R3HDM1: variants seen among roughly 807,000 people sequenced by gnomAD.
The protein encoded by R3HDM1 is R3H domain containing 1.
A neutral mutation model predicts 141.1 loss-of-function variants in R3HDM1; 46 were observed. That is an observed-to-expected ratio of 0.33 (90% CI 0.26 to 0.42). The LOEUF (loss-of-function observed/expected upper bound fraction) is 0.42, where lower values mean the gene tolerates loss of function less well. Ranked by LOEUF, R3HDM1 falls within the 10% of genes least tolerant of loss-of-function variation. R3HDM1 has a pLI of 1.00. For synonymous variants in R3HDM1, 435 were observed against 472.9 expected (o/e 0.92, Z 1.04); for missense variants, 1,184 against 1,368.3 (o/e 0.87, Z 2.12).
At chr2:135,569,489 A>C (rs1354825752) in intron 1 of R3HDM1, among the ~76,000 whole-genome samples, 2 of 152,134 alleles carry the variant, frequency 1.3e-5, no homozygotes, top group African/African-American at 4.8e-5. Flanking sequence ...TCTAAAAAAA[A>C]AAAAATTCAT....
At chr2:135,543,077 C>G (rs1028763727) in intron 1 of R3HDM1, 3 of 983,308 alleles carry the variant, frequency 3.1e-6, no homozygotes, top group African/African-American at 3.5e-5. Flanking sequence ...GTGAGGAGAT[C>G]AAAAGTAAAA....
At chr2:135,658,130 A>G (rs140273153) in intron 18 of R3HDM1, among the ~76,000 whole-genome samples, 14 of 152,304 alleles carry the variant, frequency 9.2e-5, no homozygotes, top group African/African-American at 3.4e-4. Context: ...GAAAAGGTAC[A>G]GTAAAAATAT....
intron 17 of R3HDM1, chr2:135,650,579 T>C (rs1191225097): frequency 1.0e-6 from 1 of 980,224 alleles, no homozygotes; most frequent in Non-Finnish European, 1.2e-6. Context: ...TGGTATACAA[T>C]TATGGTACTT....
At chr2:135,533,380 A>T (rs1695345598) in intron 1 of R3HDM1, among the ~76,000 whole-genome samples, 1 of 152,250 alleles carries the variant, frequency 6.6e-6, no homozygotes, top group Non-Finnish European at 1.5e-5. Context: ...AGTATTTTCC[A>T]GAACTTAAGA....
intron 1 of R3HDM1, among the ~76,000 whole-genome samples, chr2:135,569,718 CT>C (rs139858819): frequency 3.9e-5 from 5 of 129,278 alleles, no homozygotes; most frequent in African/African-American, 7.8e-5. Context: ...ATAGTAAGCT[CT>C]TTTTTTTTTG....
At chr2:135,655,283 T>G (rs1275356766) in intron 18 of R3HDM1, among the ~76,000 whole-genome samples, 1 of 152,190 alleles carries the variant, frequency 6.6e-6, no homozygotes, top group Non-Finnish European at 1.5e-5. Context: ...TACTTTTCTT[T>G]CCCCATTAAA....
chr2:135,616,772 C>T lies in R3HDM1; in HGVS notation c.303+15C>T. ...AGGAGAACCAGGTAAAAAAGCAAAA[C>T]AAATGTTATTTCAAGACATGGTGGA... is the stretch of plus-strand genomic sequence containing the variant. On this transcript the variant is annotated intron_variant, in intron 5 of 26. Coordinates refer to ENST00000683871, the MANE Select transcript of R3HDM1 (RefSeq NM_001378107.1). 1 of 1,552,278 alleles carries T rather than the reference C, an allele frequency of 6.4e-7. No individual in the cohort carries two copies. Among genetic ancestry groups the T allele is most frequent in the South Asian group, 1.1e-5 (1 of 87,180 alleles).
chr2:135,562,797 A>T (rs1702035588), intron 1 of R3HDM1, among the ~76,000 whole-genome samples: 1 of 152,216 alleles, frequency 6.6e-6, no homozygotes, highest in Non-Finnish European at 1.5e-5. Context: ...TCTGGTTGGG[A>T]TAAATTCATC....
intron 16 of R3HDM1, among the ~76,000 whole-genome samples, chr2:135,645,952 C>T (rs1312524543): frequency 1.3e-5 from 2 of 152,152 alleles, no homozygotes; most frequent in Admixed American, 6.5e-5. Context: ...ATTCTACCTA[C>T]CCTATGAAAG....
At chr2:135,721,419 A>C (rs2076683486) in intron 24 of R3HDM1, 1 of 154,118 alleles carries the variant, frequency 6.5e-6, no homozygotes, top group African/African-American at 2.4e-5. Flanking sequence ...GGCTGCAGTG[A>C]GCTATGATTG....
chr2:135,550,462 A>AT (rs1339338914), intron 1 of R3HDM1, among the ~76,000 whole-genome samples: 1 of 152,214 alleles, frequency 6.6e-6, no homozygotes, highest in African/African-American at 2.4e-5. Flanking sequence ...CTTCATTAGC[A>AT]TTTAACACCT....
At position 135,638,803 on chromosome 2, in the gene R3HDM1, G is replaced by A; in HGVS notation, c.992+14G>A. ...CCAGATATTTAGGTATTGGAAGCAT[G>A]TTTTCAATACAGTATTGAAAAATTA... On this transcript the variant is annotated intron_variant, in intron 13 of 26. Coordinates refer to ENST00000683871, the MANE Select transcript of R3HDM1 (RefSeq NM_001378107.1). 6.2e-7 allele frequency: 1 copy of A among 1,613,802 alleles called. No homozygotes were observed. The highest frequency in any genetic ancestry group is 2.2e-5 in the East Asian group (1 of 44,884).
intron 22 of R3HDM1, 67 bp from the exon 23 acceptor site, chr2:135,709,992 A>G (rs902709116): frequency 6.9e-7 from 1 of 1,443,490 alleles, no homozygotes. Context: ...CTGTTATCCT[A>G]GTGTTCAGAA....
chr2:135,574,198 T>A (rs1573967723), intron 1 of R3HDM1, among the ~76,000 whole-genome samples: 1 of 152,252 alleles, frequency 6.6e-6, no homozygotes, highest in Non-Finnish European at 1.5e-5. Flanking sequence ...AAATAATTTT[T>A]AAAAAATTTT....
At chr2:135,647,196 C>A (rs752937738) in intron 16 of R3HDM1, among the ~76,000 whole-genome samples, 1 of 152,140 alleles carries the variant, frequency 6.6e-6, no homozygotes, top group African/African-American at 2.4e-5. Flanking sequence ...CTTCCCAATC[C>A]CATTTGGTTA....
intron 1 of R3HDM1, among the ~76,000 whole-genome samples, chr2:135,534,459 T>A (rs2104871648): frequency 6.6e-6 from 1 of 152,360 alleles, no homozygotes; most frequent in East Asian, 1.9e-4. Flanking sequence ...AAACAACTTG[T>A]GAGAGGTGCT....
At chr2:135,636,808 A>G (rs2063307385) in intron 11 of R3HDM1, among the ~76,000 whole-genome samples, 1 of 151,656 alleles carries the variant, frequency 6.6e-6, no homozygotes, top group East Asian at 1.9e-4. Context: ...AAAAAAAAAG[A>G]AGATTAAATA....
chr2:135,658,401 C>G (rs1250339904), intron 18 of R3HDM1, among the ~76,000 whole-genome samples: 2 of 152,164 alleles, frequency 1.3e-5, no homozygotes, highest in Non-Finnish European at 2.9e-5. Flanking sequence ...CTCCTGACCT[C>G]GTGATCTGCC....
intron 1 of R3HDM1, among the ~76,000 whole-genome samples, chr2:135,542,692 T>G (rs576989876): frequency 6.6e-6 from 1 of 152,320 alleles, no homozygotes; most frequent in Admixed American, 6.5e-5. Context: ...TGGCAGATGA[T>G]AACTAATTTG....
Sources: gnomAD v4.1 joint callset for allele counts (sites outside exome capture counted in the v4.1 genomes callset) on GRCh38, gnomAD v4.1.1 for gene constraint, MANE v1.5 for transcripts, NCBI Gene and HGNC (gene_info 2026-07-23, HGNC 2026-07-21) for gene names.